The following MRPL44 variants were observed in gnomAD, a reference collection of about 807,000 sequenced individuals.
MRPL44 encodes mitochondrial ribosomal protein L44.
Under a neutral mutation model 25.9 loss-of-function variants are expected in MRPL44, and 21 were observed. That is an observed-to-expected ratio of 0.81 (90% CI 0.58 to 1.17). The LOEUF (loss-of-function observed/expected upper bound fraction) is 1.17. Among genes scored for constraint, MRPL44 ranks in the 50% most tolerant of loss-of-function variants. The probability of loss-of-function intolerance (pLI) is 0.00; values close to 1 mark genes in which losing one functional copy is unlikely to be tolerated. For synonymous variants in MRPL44, 169 were observed against 151.0 expected, an observed-to-expected ratio of 1.12 and a Z score of -0.87; for missense variants, 410 against 398.9, an observed-to-expected ratio of 1.03 and a Z score of -0.24.
At chr2:223,958,663 C>T (rs909778652) in intron 1 of MRPL44, among the ~76,000 whole-genome samples, 3 of 152,048 alleles carry the variant, frequency 2.0e-5, no homozygotes, top group Admixed American at 6.5e-5. Context: ...TATTGTGTTA[C>T]GTATAAGTAA....
At chr2:223,952,764 CA>C (rs1169449913), upstream of MRPL44, among the ~76,000 whole-genome samples, 1 of 152,170 alleles carries the variant, frequency 6.6e-6, no homozygotes, top group African/African-American at 2.4e-5. Context: ...ATAAAGCAGA[CA>C]CCAGCTGTTT....
At chr2:223,966,159 C>A (rs1689737762) in intron 3 of MRPL44, among the ~76,000 whole-genome samples, 1 of 152,000 alleles carries the variant, frequency 6.6e-6, no homozygotes, top group Non-Finnish European at 1.5e-5. Context: ...TGGCGCGAAC[C>A]CAGGAGGCGG....
intron 3 of MRPL44, among the ~76,000 whole-genome samples, chr2:223,966,336 A>T (rs1689740909): frequency 6.6e-6 from 1 of 152,194 alleles, no homozygotes; most frequent in Non-Finnish European, 1.5e-5. Flanking sequence ...TAAAGTTTAA[A>T]TGACAGACTC....
chr2:223,957,430 C>A (rs774953865), upstream of MRPL44: 3 of 1,611,212 alleles, frequency 1.9e-6, no homozygotes, highest in Non-Finnish European at 2.5e-6. Flanking sequence ...GGGACACTGG[C>A]CCGACTACTT....
rs140603784 is a variant in MRPL44, at chr2:223,965,080, CTACAGT to C, written c.827+1147_827+1152del. Among the ~76,000 whole-genome samples, 1,447 of 152,074 alleles carry C rather than the reference CTACAGT, an allele frequency of 9.5e-3. 35 individuals carry two copies. The highest frequency in any genetic ancestry group is 0.033 in the African/African-American group (1,366 of 41,510). ...ATGTAAGAAGTAATTTGCCATATCACTACAGTGATTACTATTGGATAGTAGTGTTTT... is the reference window on the plus strand; with the variant it reads ...ATGTAAGAAGTAATTTGCCATATCACGATTACTATTGGATAGTAGTGTTTT... On this transcript the variant is annotated intron_variant, in intron 3 of 3. Coordinates refer to ENST00000258383, the MANE Select transcript of MRPL44 (RefSeq NM_022915.5).
rs537358477 is a variant in MRPL44, at chr2:223,967,114, C to A, written c.*80C>A. 10 of 1,313,464 alleles carry A rather than the reference C, an allele frequency of 7.6e-6. No homozygotes were observed. The South Asian group carries it at 1.7e-4, about 22-fold the overall frequency. 81.4% of individuals were successfully genotyped at this position (1,313,464 alleles called of 1,614,324 possible). On this transcript the variant is annotated 3_prime_UTR_variant, in exon 4 of 4. Transcript: ENST00000258383. Reference sequence around the variant, plus strand: ...AGGTGTTTCAAGCCAGACATTTTCACAATTGTGAAGAAATAGATGTTTTGT... The same window carrying A: ...AGGTGTTTCAAGCCAGACATTTTCAAAATTGTGAAGAAATAGATGTTTTGT...
chr2:223,959,853 T>C lies in MRPL44; in HGVS notation c.499T>C (p.Cys167Arg), dbSNP rs1424156494. The C allele has an allele frequency of 6.2e-7, 1 of 1,614,194 alleles. No individual in the cohort carries two copies. The highest frequency in any genetic ancestry group is 1.1e-5 in the South Asian group (1 of 91,088). The change falls in exon 2 of 4, where the codon TGT (cysteine) becomes CGT (arginine). Residue 167 changes from cysteine to arginine, a missense_variant. Cys to Arg is a radical substitution (Grantham distance 180). Coordinates refer to ENST00000258383, the MANE Select transcript of MRPL44 (RefSeq NM_022915.5). ...VDFLTGEEVV[C>R]HVARNLAVEQ... ...CTTTCTCACTGGTGAGGAAGTCGTG[T>C]GTCACGTGGCTAGAAACTTGGCTGT...
In MRPL44 at chr2:223,966,898, C is replaced by T. The variant is rs1244503792; in HGVS notation, c.863C>T (p.Thr288Ile). Residue 288 changes from threonine to isoleucine, a missense_variant, in exon 4 of 4, where the codon ACA (threonine) becomes ATA (isoleucine). By Grantham distance (89) the Thr-to-Ile change is moderately conservative. Coordinates refer to ENST00000258383, the MANE Select transcript of MRPL44 (RefSeq NM_022915.5). ...TTGATTGCAGAAGGACCTGGGGAAA[C>T]AGTATTGGTTGCAGAAGAAGAGGCT... is the stretch of plus-strand genomic sequence containing the variant. The part of the protein sequence containing the change: ...KKLIAEGPGE[T>I]VLVAEEEAAR... 4 of 1,613,714 alleles carry T rather than the reference C, an allele frequency of 2.5e-6. No individual in the cohort carries two copies. Among genetic ancestry groups the T allele is most frequent in the Admixed American group, 1.7e-5 (1 of 59,916 alleles).
chr2:223,961,429 T>C (rs1689659592), intron 2 of MRPL44, among the ~76,000 whole-genome samples: 1 of 152,220 alleles, frequency 6.6e-6, no homozygotes, highest in Non-Finnish European at 1.5e-5. Context: ...ACAGTATTAC[T>C]AAGAAAGTGG....
upstream of MRPL44, among the ~76,000 whole-genome samples, chr2:223,954,217 T>C (rs912454581): frequency 6.6e-6 from 1 of 152,184 alleles, no homozygotes; most frequent in African/African-American, 2.4e-5. Flanking sequence ...CTCCTTTCCA[T>C]CTCTTCTGCA....
upstream of MRPL44, among the ~76,000 whole-genome samples, chr2:223,955,832 T>G (rs947661073): frequency 2.6e-5 from 4 of 152,222 alleles, no homozygotes; most frequent in Non-Finnish European, 5.9e-5. Context: ...TGGAACCAAG[T>G]CCTCCTCCTA....
At chr2:223,965,043 C>G (rs1274529281) in intron 3 of MRPL44, among the ~76,000 whole-genome samples, 1 of 150,736 alleles carries the variant, frequency 6.6e-6, no homozygotes, top group East Asian at 1.9e-4. Flanking sequence ...GATCTTTTAT[C>G]TAAAAAAAAA....
In MRPL44 at chr2:223,967,245, TC is replaced by T. The variant is rs1316677658; in HGVS notation, c.*212del. The T allele has an allele frequency of 9.6e-4, 503 of 525,776 alleles. 3 individuals are homozygous for T. The highest frequency in any genetic ancestry group is 9.3e-3 in the African/African-American group (480 of 51,666). 32.6% of individuals were successfully genotyped at this position (525,776 alleles called of 1,614,324 possible). A position where few individuals can be genotyped will look rare whatever the true frequency, so the allele number is the denominator to read the frequency against. On this transcript the variant is annotated 3_prime_UTR_variant, in exon 4 of 4. Transcript: ENST00000258383. ...TGGTTTGATCAAATCTTTTTTTTTT[TC>T]TCTTGAGATGGAGTCTTACTCTGTC...
Position 223,959,990 on chromosome 2 carries a change from A to C in MRPL44, c.636A>C (p.Ala212=), listed in dbSNP as rs770624708. The stretch of plus-strand genomic sequence containing the variant: ...AGAGCAGTGGACCTGAGAGGACTGC[A>C]CTTTTCATCAGGGTACGTAACTATT... ...LLQSSGPERT[A]LFIRDFLITQ... The change falls in exon 2 of 4, where the codon GCA becomes GCC. Residue 212 remains alanine (A), a synonymous_variant. Coordinates refer to ENST00000258383, the MANE Select transcript of MRPL44 (RefSeq NM_022915.5). 1.2e-6 allele frequency: 2 copies of C among 1,610,860 alleles called. No homozygotes were observed. The highest frequency in any genetic ancestry group is 1.7e-6 in the Non-Finnish European group (2 of 1,178,040).
intron 2 of MRPL44, among the ~76,000 whole-genome samples, chr2:223,961,474 G>C (rs984969084): frequency 6.6e-6 from 1 of 152,204 alleles, no homozygotes; most frequent in Non-Finnish European, 1.5e-5. Flanking sequence ...TGGAGAACTT[G>C]ATAGAAATGC....
upstream of MRPL44, among the ~76,000 whole-genome samples, chr2:223,956,526 G>A (rs1217594069): frequency 1.3e-5 from 2 of 152,174 alleles, no homozygotes; most frequent in Non-Finnish European, 2.9e-5. Flanking sequence ...AGAGCCACCA[G>A]GTACCTGCAG....
chr2:223,966,494 A>C (rs1689743600), intron 3 of MRPL44, among the ~76,000 whole-genome samples: 1 of 152,212 alleles, frequency 6.6e-6, no homozygotes, highest in Admixed American at 6.5e-5. Flanking sequence ...CACACATTAA[A>C]AATAAAAATA....
intron 1 of MRPL44, 61 bp downstream of exon 1, chr2:223,957,712 C>T (rs1689594531): frequency 2.0e-6 from 3 of 1,521,948 alleles, no homozygotes; most frequent in Non-Finnish European, 2.6e-6. Context: ...GTCTTCTTCC[C>T]GCGGCGTCGT....
At chr2:223,950,996 G>T in the MRPL44 span, among the ~76,000 whole-genome samples, 17 of 152,190 alleles carry the variant, frequency 1.1e-4, no homozygotes, top group Non-Finnish European at 1.6e-4. Context: ...GGAAGAAAGG[G>T]AGGAACCAGA....
Sources: allele counts gnomAD v4.1 joint callset (sites outside exome capture counted in the v4.1 genomes callset), GRCh38; gene constraint gnomAD v4.1.1; transcripts MANE v1.5; gene names NCBI Gene and HGNC (gene_info 2026-07-23, HGNC 2026-07-21).